The following GALNT9 variants were observed in gnomAD, a reference collection of about 807,000 sequenced individuals.
The protein encoded by GALNT9 is GalNAc transferase 9.
GALNT9 carries 47 observed loss-of-function variants against 63.1 expected under a neutral mutation model. The observed-to-expected ratio is 0.75, with a 90% CI of 0.59 to 0.95. GALNT9 has a LOEUF of 0.95. Among genes scored for constraint, GALNT9 ranks in the 40% least tolerant of loss-of-function variants. GALNT9 has a pLI of 0.00. For missense variants in GALNT9, 829 were observed against 874.8 expected (o/e 0.95, Z 0.66); for synonymous variants, 396 against 365.7 (o/e 1.08, Z -0.94).
intron 8 of GALNT9, among the ~76,000 whole-genome samples, chr12:132,200,023 T>G (rs993140663): frequency 6.6e-6 from 1 of 152,160 alleles, no homozygotes; most frequent in Non-Finnish European, 1.5e-5. Context: ...TGGGGGTGCC[T>G]GCACTTGGCT....
intron 6 of GALNT9, chr12:132,247,553 C>G (rs1878746603): frequency 2.0e-6 from 1 of 489,812 alleles, no homozygotes; most frequent in East Asian, 5.5e-5. Context: ...AGCCCTGGAC[C>G]TCACCCTGTC....
intron 5 of GALNT9, among the ~76,000 whole-genome samples, chr12:132,248,607 G>A (rs1487330812): frequency 1.3e-5 from 2 of 152,204 alleles, no homozygotes; most frequent in East Asian, 3.8e-4. Flanking sequence ...AGCCAGGACT[G>A]CAATGGGCAG....
intron 1 of GALNT9, among the ~76,000 whole-genome samples, chr12:132,304,701 A>G (rs1323245476): frequency 2.4e-5 from 1 of 41,488 alleles, no homozygotes; most frequent in Non-Finnish European, 4.5e-5. Context: ...GCCCAGACAC[A>G]CCCTCACCTG....
At chr12:132,276,619 G>GTT (rs1555241220) in intron 2 of GALNT9, 1 of 154,424 alleles carries the variant, frequency 6.5e-6, no homozygotes, top group East Asian at 1.9e-4. Context: ...CAGAGCAGGG[G>GTT]CATGTTACTG....
At position 132,286,658 on chromosome 12, in the gene GALNT9, A is replaced by T. The variant is rs1227682347; in HGVS notation, c.239-228T>A. 6.6e-6 allele frequency among the ~76,000 whole-genome samples: 1 copy of T among 152,208 alleles called. No homozygotes were observed. Among genetic ancestry groups the T allele is most frequent in the East Asian group, 1.9e-4 (1 of 5,190 alleles). On this transcript the variant is annotated intron_variant, in intron 1 of 10. Coordinates refer to ENST00000328957, the MANE Select transcript of GALNT9 (RefSeq NM_001122636.2). This position sits in a 1 kb window ranked among gnomAD's most constrained non-coding sequence, Gnocchi z 7.4. The stretch of plus-strand genomic sequence containing the variant: ...GAAGAGGGAGGGATGAATGGGTGGT[A>T]CATGAGGCGTTGAAGGCAGTGGACT...
intron 6 of GALNT9, among the ~76,000 whole-genome samples, chr12:132,204,737 C>T (rs1432113960): frequency 1.3e-5 from 2 of 152,146 alleles, no homozygotes; most frequent in East Asian, 3.9e-4. Flanking sequence ...CCCATCCTAT[C>T]CTACCCTATC....
rs547771352 is a variant in GALNT9, at chr12:132,198,955, C to T, written c.1497+219G>A. On this transcript the variant is annotated intron_variant, in intron 9 of 10. Transcript: ENST00000328957. ...CGTGAGCCACTGCACCCGGCCCAGG[C>T]TGTTTTCAATTCCCCGTGTTCTGCT... 1.2e-3 allele frequency among the ~76,000 whole-genome samples: 177 copies of T among 152,254 alleles called. 1 individual carries two copies. The highest frequency in any genetic ancestry group is 4.1e-3 in the African/African-American group (172 of 41,556).
chr12:132,247,839 C>T lies in GALNT9; in HGVS notation c.1077+71G>A, dbSNP rs938658517. ...CCCGGACACCGCGGCCTCACTCGCC[C>T]TCATCCTGTTCCCAGACGCTGTGGC... On this transcript the variant is annotated intron_variant, in intron 6 of 10. Transcript: ENST00000328957. 24 of 1,544,086 alleles carry T rather than the reference C, an allele frequency of 1.6e-5. No individual in the cohort carries two copies. In the Admixed American group the frequency reaches 3.0e-4, roughly 19 times the overall value.
chr12:132,289,827 T>C (rs1555242532), intron 1 of GALNT9, among the ~76,000 whole-genome samples: 4 of 152,198 alleles, frequency 2.6e-5, no homozygotes, highest in Admixed American at 2.0e-4. Flanking sequence ...GCTGCCTGAC[T>C]TCTCCTGGCT....
chr12:132,218,490 G>GTA (rs557723598), intron 6 of GALNT9, among the ~76,000 whole-genome samples: 158 of 152,292 alleles, frequency 1.0e-3, no homozygotes, highest in African/African-American at 3.7e-3. Flanking sequence ...AGATTTCATT[G>GTA]AACCTGATTT....
At chr12:132,230,605 G>C (rs964048039) in intron 6 of GALNT9, among the ~76,000 whole-genome samples, 3 of 149,436 alleles carry the variant, frequency 2.0e-5, no homozygotes, top group Non-Finnish European at 4.4e-5. Flanking sequence ...CCCTCGTGGC[G>C]GGGAAGTCCT....
chr12:132,270,040 C>T (rs1314024518), intron 2 of GALNT9, among the ~76,000 whole-genome samples: 2 of 152,220 alleles, frequency 1.3e-5, no homozygotes, highest in African/African-American at 2.4e-5. Flanking sequence ...AAGAAAACTG[C>T]TCCTGAGACT....
chr12:132,226,232 A>G (rs1356660910), intron 6 of GALNT9, among the ~76,000 whole-genome samples: 17 of 135,150 alleles, frequency 1.3e-4, no homozygotes, highest in African/African-American at 4.9e-4. Flanking sequence ...CATACACCCC[A>G]TACACAACAT....
intron 2 of GALNT9, among the ~76,000 whole-genome samples, chr12:132,271,507 T>A (rs1316634636): frequency 6.6e-6 from 1 of 152,132 alleles, no homozygotes; most frequent in Non-Finnish European, 1.5e-5. Context: ...CAAGCCTCCC[T>A]CCGACGCCCA....
chr12:132,239,350 TCAGAGACAGAGAGAGAGACACA>T (rs1878133024), intron 6 of GALNT9, among the ~76,000 whole-genome samples: 1 of 38,092 alleles, frequency 2.6e-5, no homozygotes, highest in Non-Finnish European at 5.7e-5. Context: ...AGAGACAGAG[TCAGAGACAGAGAGAGAGACACA>T]CAGAGACAGA....
rs1206538264 is a variant in GALNT9 at position 132,282,446 on chromosome 12, T to TGC, written c.419+3802_419+3803dup. Among the ~76,000 whole-genome samples, 3 of 152,200 alleles carry TGC rather than the reference T, an allele frequency of 2.0e-5. No individual in the cohort carries two copies. The highest frequency in any genetic ancestry group is 7.2e-5 in the African/African-American group (3 of 41,460). On this transcript the variant is annotated intron_variant, in intron 2 of 10. Transcript: ENST00000328957. This position sits in a 1 kb window ranked among gnomAD's most constrained non-coding sequence, Gnocchi z 4.5. ...GCGTGTGTGCGTGCATGCGTGTGTG[T>TGC]GCGTGTGCATGTGTGTGTGCACGCA... is the stretch of plus-strand genomic sequence containing the variant.
Position 132,286,515 on chromosome 12 carries a change from C to T in GALNT9, c.239-85G>A, listed in dbSNP as rs1363475003. Reference sequence around the variant, plus strand: ...GGAGACGCCCCTCCCGCCCCTCTCCCCGACGGCCGCTTCCCCCGGTACAAG... The same window carrying T: ...GGAGACGCCCCTCCCGCCCCTCTCCTCGACGGCCGCTTCCCCCGGTACAAG... On this transcript the variant is annotated intron_variant, in intron 1 of 10. Coordinates refer to ENST00000328957, the MANE Select transcript of GALNT9 (RefSeq NM_001122636.2). This position sits in a 1 kb window ranked among gnomAD's most constrained non-coding sequence, Gnocchi z 7.4. The T allele has an allele frequency of 6.9e-7, 1 of 1,453,068 alleles. No homozygotes were observed. Among genetic ancestry groups the T allele is most frequent in the Non-Finnish European group, 9.0e-7 (1 of 1,105,956 alleles). 90.0% of individuals were successfully genotyped at this position (1,453,068 alleles called of 1,614,324 possible).
At chr12:132,289,805 G>A (rs1180442404) in intron 1 of GALNT9, among the ~76,000 whole-genome samples, 1 of 152,224 alleles carries the variant, frequency 6.6e-6, no homozygotes, top group Non-Finnish European at 1.5e-5. Context: ...TCCAGACGCT[G>A]CTGCCCACTG....
At chr12:132,250,274 A>C (rs1376977819) in intron 5 of GALNT9, among the ~76,000 whole-genome samples, 1 of 141,778 alleles carries the variant, frequency 7.1e-6, no homozygotes, top group Non-Finnish European at 1.5e-5. Context: ...TCGTGGATGC[A>C]GGGGCTGGGG....
Sources: allele counts gnomAD v4.1 joint callset (sites outside exome capture counted in the v4.1 genomes callset), GRCh38; gene constraint gnomAD v4.1.1; non-coding constraint Gnocchi (gnomAD v3.1); transcripts MANE v1.5; gene names NCBI Gene and HGNC (gene_info 2026-07-23, HGNC 2026-07-21).